ANGPT2: variants seen among roughly 807,000 people sequenced by gnomAD.
ANGPT2 encodes angiopoietin 2.
Under a neutral mutation model 62.9 loss-of-function variants are expected in ANGPT2, and 28 were observed. The observed-to-expected ratio is 0.44, with a 90% CI of 0.33 to 0.61. The LOEUF (loss-of-function observed/expected upper bound fraction) is 0.61. ANGPT2 is among the 20% of genes least tolerant of loss of function. The pLI is 0.03. For synonymous variants in ANGPT2, 284 were observed against 207.8 expected (o/e 1.37, Z -3.15); for missense variants, 727 against 594.9 (o/e 1.22, Z -2.31).
At chr8:6,558,742 T>C (rs1825046964) in intron 1 of ANGPT2, among the ~76,000 whole-genome samples, 1 of 152,190 alleles carries the variant, frequency 6.6e-6, no homozygotes, top group Admixed American at 6.5e-5. Flanking sequence ...GTGTGATATC[T>C]AAATAGTTAA....
intron 1 of ANGPT2, among the ~76,000 whole-genome samples, chr8:6,559,474 A>G (rs1214784291): frequency 2.0e-5 from 3 of 152,198 alleles, no homozygotes; most frequent in African/African-American, 7.2e-5. Flanking sequence ...TCACATTTAC[A>G]CTTTCCAGCC....
intron 1 of ANGPT2, among the ~76,000 whole-genome samples, chr8:6,548,272 G>C (rs778178325): frequency 3.3e-5 from 5 of 152,154 alleles, no homozygotes; most frequent in Non-Finnish European, 4.4e-5. Flanking sequence ...GGCATTTTCA[G>C]GTGGTGTGTG....
At chr8:6,527,455 T>C in intron 3 of ANGPT2, 100 bp downstream of exon 3, 1 of 1,446,086 alleles carries the variant, frequency 6.9e-7, no homozygotes, top group Non-Finnish European at 9.4e-7. Context: ...ACACTAGACA[T>C]GAAGAAACTC....
intron 1 of ANGPT2, among the ~76,000 whole-genome samples, chr8:6,554,275 T>A (rs1449179902): frequency 6.7e-6 from 1 of 148,558 alleles, no homozygotes; most frequent in Admixed American, 6.7e-5. Flanking sequence ...AATTGAGAAA[T>A]AGACCCTACA....
Position 6,521,255 on chromosome 8 carries a change from T to A in ANGPT2, c.722A>T (p.Asn241Ile). ...EKKIVTATVN[N>I]SVLQKQQHDL... ...ATGTTGCTGCTTCTGAAGAACTGAA[T>A]TATTCACCGTGGCAGTCACTATTTT... The change falls in exon 4 of 9, where the codon AAT becomes ATT. Residue 241 changes from asparagine (N) to isoleucine (I), a missense_variant. Asn to Ile is a moderately radical substitution (Grantham distance 149). Transcript: ENST00000629816. 1 of 1,613,934 alleles carries A rather than the reference T, an allele frequency of 6.2e-7. No individual in the cohort carries two copies. Among genetic ancestry groups the A allele is most frequent in the Non-Finnish European group, 8.5e-7 (1 of 1,179,940 alleles).
In ANGPT2 at chr8:6,503,057, C is replaced by G. The variant is rs1301064063; in HGVS notation, c.*44G>C. On this transcript the variant is annotated 3_prime_UTR_variant, in exon 9 of 9. Transcript: ENST00000629816. ...GACTTTCAGTGCACTGGGCTTAAGT[C>G]TTTGAAAATAGTTCGAGACAGTTCC... The G allele has an allele frequency of 1.9e-6, 3 of 1,610,404 alleles. No individual in the cohort carries two copies. Among genetic ancestry groups the G allele is most frequent in the South Asian group, 1.1e-5 (1 of 90,348 alleles).
chr8:6,551,614 C>T (rs1823665736), intron 1 of ANGPT2, among the ~76,000 whole-genome samples: 1 of 152,114 alleles, frequency 6.6e-6, no homozygotes. Context: ...AAGAACATGT[C>T]ACTGGTGCAG....
chr8:6,514,965 G>A (rs1423335254), intron 5 of ANGPT2, among the ~76,000 whole-genome samples, 187 bp from the exon 6 acceptor site: 1 of 152,162 alleles, frequency 6.6e-6, no homozygotes, highest in Admixed American at 6.5e-5. Context: ...GAAAGTGATG[G>A]ATTAAAATGA....
rs931977106 is a variant in ANGPT2 at position 6,502,156 on chromosome 8, G to C, written c.*945C>G. On this transcript the variant is annotated 3_prime_UTR_variant, in exon 9 of 9. Coordinates refer to ENST00000629816, the MANE Select transcript of ANGPT2 (RefSeq NM_001118887.2). ...TTTAGAATAGTGAGAAGATAGTAAA[G>C]TTTCTTTGTCATAGAATGAAATGTA... 2 of 152,056 alleles carry C rather than the reference G, an allele frequency of 1.3e-5. No individual in the cohort carries two copies. Among genetic ancestry groups the C allele is most frequent in the African/African-American group, 4.8e-5 (2 of 41,414 alleles). 9.4% of individuals were successfully genotyped at this position (152,056 alleles called of 1,614,324 possible). A position where few individuals can be genotyped will look rare whatever the true frequency, so the allele number is the denominator to read the frequency against.
chr8:6,560,627 G>A (rs943774964), intron 1 of ANGPT2, among the ~76,000 whole-genome samples: 2 of 152,162 alleles, frequency 1.3e-5, no homozygotes, highest in Non-Finnish European at 2.9e-5. Context: ...TTGGGGAAAC[G>A]GTATTTAGCT....
chr8:6,528,222 G>T (rs996591458), intron 2 of ANGPT2, among the ~76,000 whole-genome samples: 4 of 152,148 alleles, frequency 2.6e-5, no homozygotes, highest in Non-Finnish European at 5.9e-5. Context: ...TTGGAAAGTG[G>T]TTAGTAGTTC....
In ANGPT2 at chr8:6,555,688, C is replaced by T. The variant is rs150632455; in HGVS notation, c.288+6959G>A. ...GTGTTGGCCAGGCTGGTTTTGAACT[C>T]CTGAGCTCAAGCGACCCACCCGCTT... On this transcript the variant is annotated intron_variant, in intron 1 of 8. Transcript: ENST00000629816. Among the ~76,000 whole-genome samples, 7 of 152,138 alleles carry T rather than the reference C, an allele frequency of 4.6e-5. No homozygotes were observed. The East Asian group carries it at 1.4e-3, about 29-fold the overall frequency.
Position 6,513,779 on chromosome 8 carries a change from C to T in ANGPT2, c.1095G>A (p.Gln365=). ...GGTGTATTTTAAGCACATAGCGTTGCTGATTAGTCAGTTGCGAAACAAACT... is the reference window on the plus strand; with the variant it reads ...GGTGTATTTTAAGCACATAGCGTTGTTGATTAGTCAGTTGCGAAACAAACT... ...GNEFVSQLTN[Q]QRYVLKIHLK... Residue 365 remains glutamine, a synonymous_variant, in exon 7 of 9, where the codon CAG becomes CAA. Transcript: ENST00000629816. The T allele has an allele frequency of 1.9e-6, 3 of 1,614,006 alleles. No homozygotes were observed. In the South Asian group the frequency reaches 3.3e-5, roughly 18 times the overall value.
At chr8:6,540,870 C>T (rs770179829) in intron 1 of ANGPT2, among the ~76,000 whole-genome samples, 14 of 152,248 alleles carry the variant, frequency 9.2e-5, no homozygotes, top group South Asian at 2.1e-4. Context: ...CGGCCACCGC[C>T]GCGCTGGCTG....
intron 1 of ANGPT2, among the ~76,000 whole-genome samples, chr8:6,542,252 G>A (rs1411608480): frequency 6.6e-6 from 1 of 152,080 alleles, no homozygotes; most frequent in African/African-American, 2.4e-5. Context: ...TCTGTCTAGA[G>A]ACATATATGC....
intron 1 of ANGPT2, among the ~76,000 whole-genome samples, chr8:6,561,423 C>G (rs1055095459): frequency 6.6e-6 from 1 of 152,194 alleles, no homozygotes; most frequent in African/African-American, 2.4e-5. Flanking sequence ...TTAGTCGTTT[C>G]CTCTCTGAAG....
chr8:6,507,126 G>C (rs1395783124), intron 8 of ANGPT2, among the ~76,000 whole-genome samples: 2 of 152,210 alleles, frequency 1.3e-5, no homozygotes, highest in East Asian at 3.9e-4. Context: ...TCAAACTCCT[G>C]ACCTCAGGTG....
chr8:6,533,480 G>A (rs1819913779), intron 1 of ANGPT2, among the ~76,000 whole-genome samples: 1 of 151,476 alleles, frequency 6.6e-6, no homozygotes, highest in African/African-American at 2.4e-5. Flanking sequence ...AGGGTTTCTG[G>A]TTGGTCAGAG....
chr8:6,528,532 T>A (rs531418371), intron 2 of ANGPT2, among the ~76,000 whole-genome samples: 31 of 152,340 alleles, frequency 2.0e-4, no homozygotes, highest in African/African-American at 7.5e-4. Context: ...GTTTTAAAAC[T>A]TGTTTGAACC....
Sources: gnomAD v4.1 joint callset for allele counts (sites outside exome capture counted in the v4.1 genomes callset) on GRCh38, gnomAD v4.1.1 for gene constraint, MANE v1.5 for transcripts, NCBI Gene and HGNC (gene_info 2026-07-23, HGNC 2026-07-21) for gene names.